Variants in PTCHD4 observed in about 807,000 individuals in gnomAD.
The protein encoded by PTCHD4 is patched domain containing 4.
A neutral mutation model predicts 58.1 loss-of-function variants in PTCHD4; 33 were observed. The ratio of observed to expected loss-of-function variants is 0.57; its 90% confidence interval spans 0.43 to 0.76. PTCHD4 has a LOEUF of 0.76. Ranked by LOEUF, PTCHD4 falls within the 30% of genes least tolerant of loss-of-function variation. The pLI is 0.00. For missense variants in PTCHD4, 1,058 were observed against 1,027.1 expected, an observed-to-expected ratio of 1.03 and a Z score of -0.41; for synonymous variants, 478 against 409.6, an observed-to-expected ratio of 1.17 and a Z score of -2.02.
chr6:48,102,931 C>CGA (rs1486453239), intron 1 of PTCHD4, among the ~76,000 whole-genome samples: 3 of 152,104 alleles, frequency 2.0e-5, no homozygotes, highest in Non-Finnish European at 4.4e-5. Flanking sequence ...TGCTCAGGCT[C>CGA]GAGTAGGTAA....
At chr6:47,992,658 GTA>G (rs1255741068) in intron 4 of PTCHD4, among the ~76,000 whole-genome samples, 1 of 151,838 alleles carries the variant, frequency 6.6e-6, no homozygotes, top group Non-Finnish European at 1.5e-5. Context: ...TGATATCTCT[GTA>G]TATATATATT....
intron 4 of PTCHD4, among the ~76,000 whole-genome samples, chr6:47,982,481 CTTTTTTT>C (rs375869071): frequency 7.6e-6 from 1 of 130,786 alleles, no homozygotes; most frequent in Non-Finnish European, 1.6e-5. Context: ...TTATCTCTCT[CTTTTTTT>C]TTTTTTTTTT....
intron 4 of PTCHD4, among the ~76,000 whole-genome samples, chr6:47,907,305 T>C (rs1204674957): frequency 1.3e-5 from 2 of 152,196 alleles, no homozygotes; most frequent in Non-Finnish European, 2.9e-5. Context: ...ACAACCACTG[T>C]GTAGAATGGG....
At chr6:48,012,252 G>A (rs192130548) in intron 3 of PTCHD4, among the ~76,000 whole-genome samples, 20 of 152,078 alleles carry the variant, frequency 1.3e-4, no homozygotes, top group Admixed American at 3.9e-4. Context: ...TTCCTCGAGT[G>A]GTGGTTTGTA....
intron 3 of PTCHD4, among the ~76,000 whole-genome samples, chr6:48,043,249 A>T (rs1224613737): frequency 6.6e-6 from 1 of 151,852 alleles, no homozygotes; most frequent in African/African-American, 2.4e-5. Context: ...CGATTCTAAG[A>T]CTTCCCAGAA....
chr6:47,975,282 C>A (rs1767651591), intron 4 of PTCHD4, among the ~76,000 whole-genome samples: 1 of 152,158 alleles, frequency 6.6e-6, no homozygotes, highest in African/African-American at 2.4e-5. Context: ...TGCTTCCTGT[C>A]ATGGATTCTA....
At chr6:47,918,322 C>T (rs1325902196) in intron 4 of PTCHD4, among the ~76,000 whole-genome samples, 1 of 152,020 alleles carries the variant, frequency 6.6e-6, no homozygotes, top group African/African-American at 2.4e-5. Flanking sequence ...AAAGATCCAA[C>T]CTGAAATTGA....
At chr6:47,988,169 G>A (rs1332751709) in intron 4 of PTCHD4, among the ~76,000 whole-genome samples, 1 of 152,150 alleles carries the variant, frequency 6.6e-6, no homozygotes, top group African/African-American at 2.4e-5. Flanking sequence ...TTGTATTATA[G>A]ATGGGTCTTT....
At chr6:48,104,970 C>A (rs1765688096) in intron 1 of PTCHD4, among the ~76,000 whole-genome samples, 3 of 152,144 alleles carry the variant, frequency 2.0e-5, no homozygotes, top group Non-Finnish European at 4.4e-5. Context: ...TACAGACCAA[C>A]AAAGAGACTT....
At chr6:47,997,092 C>T (rs1768522828) in intron 4 of PTCHD4, among the ~76,000 whole-genome samples, 1 of 152,084 alleles carries the variant, frequency 6.6e-6, no homozygotes, top group East Asian at 1.9e-4. Flanking sequence ...GAGAATGAAG[C>T]CATCAATTTA....
rs749315183 is a variant in PTCHD4 at position 47,879,523 on chromosome 6, A to G, written c.1312T>C (p.Tyr438His). Residue 438 changes from tyrosine to histidine, a missense_variant, in exon 5 of 5, where the codon TAC (tyrosine) becomes CAC (histidine). By Grantham distance (83) the Tyr-to-His change is moderately conservative. Transcript: ENST00000339488. ...QQTSHHETNP[Y>H]QHHFIQHFLR... ...AAGTGCTGAATGAAGTGGTGCTGGT[A>G]GGGGTTCGTCTCATGATGGGACGTC... The G allele has an allele frequency of 2.2e-5, 35 of 1,613,646 alleles. No homozygotes were observed. The Middle Eastern group carries it at 4.9e-4, about 23-fold the overall frequency.
intron 4 of PTCHD4, among the ~76,000 whole-genome samples, chr6:47,927,241 G>A (rs2113897792): frequency 6.6e-6 from 1 of 152,296 alleles, no homozygotes; most frequent in Middle Eastern, 3.4e-3. Flanking sequence ...GATCTACAAG[G>A]AGGCAAAATC....
intron 1 of PTCHD4, among the ~76,000 whole-genome samples, chr6:48,089,411 A>G (rs891632372): frequency 2.0e-5 from 3 of 152,234 alleles, no homozygotes; most frequent in Admixed American, 6.5e-5. Context: ...AACCACACAG[A>G]AATTTTTGTT....
Position 47,878,330 on chromosome 6 carries a change from C to G in PTCHD4, c.2505G>C (p.Glu835Asp). ...REEIECIEIQ[E>D]NPDHVTTV ...ATACTGTGGTGACGTGATCCGGGTTCTCTTGAATTTCTATGCATTCAATTT... is the reference window on the plus strand; with the variant it reads ...ATACTGTGGTGACGTGATCCGGGTTGTCTTGAATTTCTATGCATTCAATTT... The change falls in exon 5 of 5, where the codon GAG becomes GAC. Residue 835 changes from glutamate to aspartate, a missense_variant. Physicochemically the swap from Glu to Asp is conservative, Grantham distance 45. Coordinates refer to ENST00000339488, the MANE Select transcript of PTCHD4 (RefSeq NM_001384253.1). 1 of 1,603,880 alleles carries G rather than the reference C, an allele frequency of 6.2e-7. No homozygotes were observed. Among genetic ancestry groups the G allele is most frequent in the Non-Finnish European group, 8.5e-7 (1 of 1,175,258 alleles).
chr6:47,954,684 G>C (rs1766786653), intron 4 of PTCHD4, among the ~76,000 whole-genome samples: 1 of 152,118 alleles, frequency 6.6e-6, no homozygotes, highest in African/African-American at 2.4e-5. Flanking sequence ...AACTGTTGTA[G>C]TATTAGTGTA....
chr6:48,078,168 T>A (rs1359194894), intron 1 of PTCHD4, among the ~76,000 whole-genome samples: 1 of 152,196 alleles, frequency 6.6e-6, no homozygotes, highest in Non-Finnish European at 1.5e-5. Context: ...ATTCTAGACT[T>A]TGATTTCCTG....
Position 48,011,618 on chromosome 6 carries a change from T to G in PTCHD4, c.418-2504A>C, listed in dbSNP as rs964274437. On this transcript the variant is annotated intron_variant, in intron 3 of 4. Transcript: ENST00000339488. ...AATTTTGGCTTTTGTTGCCATTGCTTTTGGTGTTTTAGTCATGAGGTCTTT... is the reference window on the plus strand; with the variant it reads ...AATTTTGGCTTTTGTTGCCATTGCTGTTGGTGTTTTAGTCATGAGGTCTTT... Among the ~76,000 whole-genome samples the G allele has an allele frequency of 1.3e-5, 2 of 152,186 alleles. 1 individual carries two copies. Among genetic ancestry groups the G allele is most frequent in the Non-Finnish European group, 2.9e-5 (2 of 68,034 alleles).
rs1763675868 is a variant in PTCHD4, at chr6:47,870,112, C to A, written c.*8191G>T. Among the ~76,000 whole-genome samples the A allele has an allele frequency of 6.6e-6, 1 of 151,550 alleles. No homozygotes were observed. On this transcript the variant is annotated 3_prime_UTR_variant, in exon 5 of 5. Coordinates refer to ENST00000339488, the MANE Select transcript of PTCHD4 (RefSeq NM_001384253.1). ...ATTTCTATTATTATGACTAATGGAA[C>A]TAGATTTCTTTTGTTGTTAAAATAA...
At chr6:48,105,016 G>C (rs541744210) in intron 1 of PTCHD4, among the ~76,000 whole-genome samples, 252 of 152,170 alleles carry the variant, frequency 1.7e-3, no homozygotes, top group African/African-American at 5.8e-3. Flanking sequence ...GACTTTAACA[G>C]CCCACTGTCA....
Sources: allele counts gnomAD v4.1 joint callset (sites outside exome capture counted in the v4.1 genomes callset), GRCh38; gene constraint gnomAD v4.1.1; transcripts MANE v1.5; gene names NCBI Gene and HGNC (gene_info 2026-07-23, HGNC 2026-07-21).